Variants in EYS observed in about 807,000 individuals in gnomAD.
The protein encoded by EYS is EGF-like photoreceptor maintenance factor.
In EYS, 250 loss-of-function variants were observed where a neutral mutation model predicts 282.1. The observed-to-expected ratio is 0.89, with a 90% CI of 0.80 to 0.98. The LOEUF is 0.98. Among genes scored for constraint, EYS ranks in the 50% least tolerant of loss-of-function variants. EYS has a pLI of 0.00. For synonymous variants in EYS, 1,355 were observed against 1,282.9 expected (o/e 1.06, Z -1.20); for missense variants, 4,016 against 3,709.0 (o/e 1.08, Z -2.15).
intron 29 of EYS, among the ~76,000 whole-genome samples, chr6:64,314,119 A>C (rs571838432): frequency 2.1e-5 from 3 of 145,856 alleles, no homozygotes; most frequent in Non-Finnish European, 4.5e-5. Context: ...TATTCAGGAG[A>C]CCCATTTCAT....
intron 8 of EYS, among the ~76,000 whole-genome samples, chr6:65,360,730 G>A (rs1017520251): frequency 9.9e-5 from 15 of 152,126 alleles, no homozygotes; most frequent in East Asian, 3.9e-4. Context: ...TTTAAATTAC[G>A]GCATCCTTGC....
chr6:63,986,877 T>C (rs1337518762), intron 34 of EYS, among the ~76,000 whole-genome samples: 1 of 151,572 alleles, frequency 6.6e-6, no homozygotes, highest in African/African-American at 2.4e-5. Flanking sequence ...CAAAACATCA[T>C]GACATGGTGT....
chr6:65,562,345 A>G (rs890151335), intron 2 of EYS, among the ~76,000 whole-genome samples: 10 of 152,046 alleles, frequency 6.6e-5, no homozygotes, highest in African/African-American at 2.2e-4. Flanking sequence ...TAGCCAAACA[A>G]TTTGAAGAGG....
chr6:64,784,738 ACAGACTGGC>A (rs1773966387), intron 22 of EYS, among the ~76,000 whole-genome samples: 1 of 152,166 alleles, frequency 6.6e-6, no homozygotes. Flanking sequence ...CACTTTTCAC[ACAGACTGGC>A]ATTTTCAAAT....
At chr6:64,181,372 C>T (rs1764783492) in intron 31 of EYS, among the ~76,000 whole-genome samples, 1 of 151,986 alleles carries the variant, frequency 6.6e-6, no homozygotes, top group African/African-American at 2.4e-5. Flanking sequence ...AGATTATATG[C>T]TCTATAATGA....
chr6:64,939,232 G>A (rs1482894427), intron 15 of EYS, among the ~76,000 whole-genome samples: 1 of 151,652 alleles, frequency 6.6e-6, no homozygotes, highest in Admixed American at 6.6e-5. Context: ...CAGAAAATCT[G>A]ATTCAGCTAA....
chr6:64,102,486 A>T (rs1376824294), intron 31 of EYS, among the ~76,000 whole-genome samples: 1 of 152,178 alleles, frequency 6.6e-6, no homozygotes, highest in East Asian at 1.9e-4. Context: ...AACCAAGATG[A>T]TTAAGCTGCC....
intron 22 of EYS, among the ~76,000 whole-genome samples, chr6:64,748,729 A>C (rs1156250356): frequency 6.6e-6 from 1 of 152,200 alleles, no homozygotes; most frequent in African/African-American, 2.4e-5. Context: ...AAAGAGCAAA[A>C]GAATGATAGC....
intron 41 of EYS, among the ~76,000 whole-genome samples, chr6:63,746,066 C>T (rs1376659456): frequency 1.3e-5 from 2 of 152,124 alleles, no homozygotes; most frequent in Non-Finnish European, 2.9e-5. Context: ...ATTGCTTGAG[C>T]CACCCAGTCT....
chr6:65,207,147 T>A (rs1346977524), intron 12 of EYS, among the ~76,000 whole-genome samples: 9 of 151,764 alleles, frequency 5.9e-5, no homozygotes. Flanking sequence ...AAAGTAGTAC[T>A]AGAGTTGATA....
chr6:64,794,728 C>T (rs1774301488), intron 22 of EYS, among the ~76,000 whole-genome samples: 1 of 152,002 alleles, frequency 6.6e-6, no homozygotes, highest in Non-Finnish European at 1.5e-5. Context: ...GGAGAAAATC[C>T]TGCCATATGT....
intron 24 of EYS, among the ~76,000 whole-genome samples, chr6:64,606,312 A>C (rs1193429656): frequency 2.6e-5 from 4 of 151,994 alleles, no homozygotes; most frequent in Non-Finnish European, 5.9e-5. Context: ...CCTTGTATTC[A>C]AGAAGACTTG....
At chr6:64,048,341 T>C (rs1770696233) in intron 33 of EYS, among the ~76,000 whole-genome samples, 1 of 152,192 alleles carries the variant, frequency 6.6e-6, no homozygotes, top group South Asian at 2.1e-4. Context: ...ATCCTTGAGC[T>C]ACTCCATAAC....
At chr6:64,300,163 T>TA (rs1582560462) in intron 30 of EYS, among the ~76,000 whole-genome samples, 1 of 152,168 alleles carries the variant, frequency 6.6e-6, no homozygotes, top group South Asian at 2.1e-4. Context: ...TTAATGCTTA[T>TA]AAAAAAATAA....
rs531811827 is a variant in EYS, at chr6:65,479,891, C to T, written c.862+10703G>A. Among the ~76,000 whole-genome samples the T allele has an allele frequency of 4.0e-5, 6 of 151,860 alleles. No individual in the cohort carries two copies. The East Asian group carries it at 1.2e-3, about 29-fold the overall frequency. Reference sequence around the variant, plus strand: ...TTAAAGTATGCTGGGTGTGGTGGCTCACACCTGTAATCCCAGCACTTGGGG... The same window carrying T: ...TTAAAGTATGCTGGGTGTGGTGGCTTACACCTGTAATCCCAGCACTTGGGG... On this transcript the variant is annotated intron_variant, in intron 5 of 42. Transcript: ENST00000503581.
intron 33 of EYS, among the ~76,000 whole-genome samples, chr6:64,020,068 A>T (rs1207195640): frequency 2.0e-5 from 3 of 152,020 alleles, no homozygotes; most frequent in African/African-American, 7.2e-5. Context: ...TATTACAAAC[A>T]TCTAAACTCT....
intron 36 of EYS, among the ~76,000 whole-genome samples, chr6:63,816,620 G>T (rs1165683158): frequency 6.6e-6 from 1 of 152,208 alleles, no homozygotes; most frequent in African/African-American, 2.4e-5. Flanking sequence ...ACTGGGGACA[G>T]CTGTGCAACT....
intron 19 of EYS, among the ~76,000 whole-genome samples, chr6:64,832,115 C>G (rs1366768764): frequency 3.3e-5 from 5 of 151,748 alleles, no homozygotes; most frequent in Non-Finnish European, 5.9e-5. Context: ...TACATAATTA[C>G]TTATTATTTG....
intron 8 of EYS, among the ~76,000 whole-genome samples, chr6:65,378,639 G>T (rs1765486347): frequency 6.6e-6 from 1 of 152,078 alleles, no homozygotes; most frequent in South Asian, 2.1e-4. Flanking sequence ...CAACCCAAAT[G>T]CCCATCAATG....
Sources: gnomAD v4.1 joint callset for allele counts (sites outside exome capture counted in the v4.1 genomes callset) on GRCh38, gnomAD v4.1.1 for gene constraint, MANE v1.5 for transcripts, NCBI Gene and HGNC (gene_info 2026-07-23, HGNC 2026-07-21) for gene names.